COL21A1: variants seen among roughly 807,000 people sequenced by gnomAD.
The protein encoded by COL21A1 is collagen alpha-1(XXI) chain.
A neutral mutation model predicts 137.9 loss-of-function variants in COL21A1; 149 were observed. The ratio of observed to expected loss-of-function variants is 1.08; its 90% CI spans 0.95 to 1.24. COL21A1 has a LOEUF of 1.24. COL21A1 is among the 50% of genes most tolerant of loss of function. The pLI is 0.00. For missense variants in COL21A1, 1,167 were observed against 1,158.4 expected (o/e 1.01, Z -0.11); for synonymous variants, 456 against 391.5 (o/e 1.16, Z -1.95).
intron 1 of COL21A1, among the ~76,000 whole-genome samples, chr6:56,342,847 G>A (rs1259359020): frequency 6.6e-6 from 1 of 152,188 alleles, no homozygotes; most frequent in African/African-American, 2.4e-5. Flanking sequence ...GCACCACCCT[G>A]AAAGGTCTGT....
intron 1 of COL21A1, among the ~76,000 whole-genome samples, chr6:56,325,993 TATACATA>T (rs1765078023): frequency 4.7e-3 from 3 of 644 alleles, no homozygotes; most frequent in East Asian, 0.083. Context: ...AATATATGTA[TATACATA>T]CATATATTAT....
At chr6:56,064,061 G>A (rs1007948667) in intron 24 of COL21A1, among the ~76,000 whole-genome samples, 3 of 152,110 alleles carry the variant, frequency 2.0e-5, no homozygotes, top group Admixed American at 2.0e-4. Flanking sequence ...AGTCAAGAAA[G>A]AAGCAAAGCC....
At chr6:56,283,726 G>T (rs1763836176) in intron 1 of COL21A1, among the ~76,000 whole-genome samples, 1 of 152,086 alleles carries the variant, frequency 6.6e-6, no homozygotes, top group African/African-American at 2.4e-5. Flanking sequence ...GCTATGAGTA[G>T]CCATTTGGAG....
chr6:56,214,552 T>G (rs1361021391), intron 1 of COL21A1, among the ~76,000 whole-genome samples: 1 of 152,038 alleles, frequency 6.6e-6, no homozygotes, highest in East Asian at 1.9e-4. Context: ...ACTTCCTCTA[T>G]TACAGACTAG....
At chr6:56,271,191 G>T (rs1244321202) in intron 1 of COL21A1, among the ~76,000 whole-genome samples, 1 of 152,204 alleles carries the variant, frequency 6.6e-6, no homozygotes, top group Non-Finnish European at 1.5e-5. Context: ...GGCTGAGATG[G>T]TCTCAGATGG....
At chr6:56,121,230 T>C (rs889849071) in intron 16 of COL21A1, among the ~76,000 whole-genome samples, 2 of 151,886 alleles carry the variant, frequency 1.3e-5, no homozygotes, top group African/African-American at 4.8e-5. Context: ...CATCAAACTA[T>C]GAAAAGACAT....
At chr6:56,392,574 T>C (rs553781892) in intron 1 of COL21A1, among the ~76,000 whole-genome samples, 3 of 152,284 alleles carry the variant, frequency 2.0e-5, no homozygotes, top group Admixed American at 6.5e-5. Flanking sequence ...GCAGATAATA[T>C]GATCTTATAT....
intron 10 of COL21A1, among the ~76,000 whole-genome samples, chr6:56,148,854 T>C (rs969741606): frequency 6.6e-6 from 1 of 152,218 alleles, no homozygotes; most frequent in African/African-American, 2.4e-5. Flanking sequence ...CCTCACAGGC[T>C]GTCTTCTGAG....
intron 1 of COL21A1, among the ~76,000 whole-genome samples, chr6:56,208,966 A>T (rs1242671631): frequency 6.6e-6 from 1 of 152,222 alleles, no homozygotes; most frequent in Non-Finnish European, 1.5e-5. Flanking sequence ...AAAACTAGCT[A>T]GCCATATGCA....
intron 12 of COL21A1, among the ~76,000 whole-genome samples, chr6:56,127,268 A>G (rs1561894435): frequency 6.6e-6 from 1 of 152,168 alleles, no homozygotes; most frequent in Non-Finnish European, 1.5e-5. Context: ...AGCTATAAAT[A>G]TATTCTCATT....
At chr6:56,164,711 G>T in intron 8 of COL21A1, 103 bp downstream of exon 8, 1 of 939,198 alleles carries the variant, frequency 1.1e-6, no homozygotes, top group Non-Finnish European at 1.6e-6. Flanking sequence ...CATAAAAATG[G>T]GTTCCATTTG....
rs2114008583 is a variant in COL21A1, at chr6:56,057,025, C to CA, written c.*631_*632insT. On this transcript the variant is annotated 3_prime_UTR_variant, in exon 30 of 30. Coordinates refer to ENST00000244728, the MANE Select transcript of COL21A1 (RefSeq NM_030820.4). ...GACCATTCCCAAAGTAATTAATACT[C>CA]TTTCTTAGCACCACCATTAATCTAA... 6.6e-6 allele frequency: 1 copy of CA among 152,292 alleles called. No individual in the cohort carries two copies. The highest frequency in any genetic ancestry group is 2.1e-4 in the South Asian group (1 of 4,828). The allele number at this position is 152,292 out of a possible 1,614,324, so 9.4% of individuals were successfully genotyped here. A position where few individuals can be genotyped will look rare whatever the true frequency, so the allele number is the denominator to read the frequency against.
intron 1 of COL21A1, among the ~76,000 whole-genome samples, chr6:56,381,911 C>A (rs886274774): frequency 6.6e-6 from 1 of 152,192 alleles, no homozygotes; most frequent in Non-Finnish European, 1.5e-5. Flanking sequence ...CACTCTTGCA[C>A]AATGCCACCA....
At chr6:56,251,157 T>G (rs1212882140), upstream of COL21A1, among the ~76,000 whole-genome samples, 2 of 152,228 alleles carry the variant, frequency 1.3e-5, no homozygotes, top group African/African-American at 4.8e-5. Context: ...ATTGATATAT[T>G]GCTCTCTTAG....
chr6:56,139,757 T>C (rs1235759750), intron 12 of COL21A1, among the ~76,000 whole-genome samples: 1 of 152,276 alleles, frequency 6.6e-6, no homozygotes, highest in Middle Eastern at 3.4e-3. Flanking sequence ...AGTTTTTCGA[T>C]GTTGGAGGCC....
chr6:56,365,127 A>T (rs1766068197), intron 1 of COL21A1, among the ~76,000 whole-genome samples: 1 of 152,196 alleles, frequency 6.6e-6, no homozygotes, highest in African/African-American at 2.4e-5. Flanking sequence ...CCAGGAATCA[A>T]ATTTATCAGG....
intron 17 of COL21A1, among the ~76,000 whole-genome samples, chr6:56,088,872 G>A (rs1000358462): frequency 2.6e-5 from 4 of 151,926 alleles, no homozygotes; most frequent in Non-Finnish European, 4.4e-5. Flanking sequence ...ATGGGGCCTC[G>A]ACCTCCCAGG....
intron 1 of COL21A1, among the ~76,000 whole-genome samples, chr6:56,306,316 T>C (rs909086678): frequency 6.6e-6 from 1 of 150,950 alleles, no homozygotes; most frequent in Admixed American, 6.7e-5. Flanking sequence ...GATAATATCC[T>C]GCAGAGTGTT....
chr6:56,086,201 G>A (rs991553876), intron 17 of COL21A1, among the ~76,000 whole-genome samples: 2 of 151,816 alleles, frequency 1.3e-5, no homozygotes, highest in African/African-American at 4.8e-5. Context: ...TTAACACTCT[G>A]CCTGTCATGA....
Sources: allele counts gnomAD v4.1 joint callset (sites outside exome capture counted in the v4.1 genomes callset), GRCh38; gene constraint gnomAD v4.1.1; transcripts MANE v1.5; gene names NCBI Gene and HGNC (gene_info 2026-07-23, HGNC 2026-07-21).